Variants in RTN1 observed in about 807,000 individuals in gnomAD.
The protein encoded by RTN1 is reticulon 1.
In RTN1, 25 loss-of-function variants were observed where a neutral mutation model predicts 65.5. The ratio of observed to expected loss-of-function variants is 0.38; its 90% CI spans 0.28 to 0.53. RTN1 has a LOEUF of 0.53. Ranked by LOEUF, RTN1 falls within the 20% of genes least tolerant of loss-of-function variation. The probability of loss-of-function intolerance (pLI) is 0.79; values close to 1 mark genes in which losing one functional copy is unlikely to be tolerated. For synonymous variants in RTN1, 471 were observed against 447.6 expected, an observed-to-expected ratio of 1.05 and a Z score of -0.66; for missense variants, 983 against 1,025.4, an observed-to-expected ratio of 0.96 and a Z score of 0.57.
chr14:59,865,494 T>C (rs1341416452), intron 1 of RTN1, among the ~76,000 whole-genome samples: 1 of 152,204 alleles, frequency 6.6e-6, no homozygotes, highest in Non-Finnish European at 1.5e-5. Context: ...TAAGAATCAC[T>C]GTCCATTTTA....
intron 8 of RTN1, among the ~76,000 whole-genome samples, chr14:59,600,701 C>T (rs1881551960): frequency 6.6e-6 from 1 of 152,160 alleles, no homozygotes; most frequent in Admixed American, 6.5e-5. Context: ...TGTGACTTGC[C>T]TAGTTTCTCT....
rs1200944782 is a variant in RTN1 at position 59,763,023 on chromosome 14, T to C, written c.242-16542A>G. Among the ~76,000 whole-genome samples the C allele has an allele frequency of 2.0e-5, 3 of 152,180 alleles. No individual in the cohort carries two copies. In the East Asian group the frequency reaches 5.8e-4, roughly 29 times the overall value. Reference sequence around the variant, plus strand: ...AACATAATCTCATGTTGGAATGCAATTTATAAAAATAGAAAGATGTGAATA... The same window carrying C: ...AACATAATCTCATGTTGGAATGCAACTTATAAAAATAGAAAGATGTGAATA... On this transcript the variant is annotated intron_variant, in intron 1 of 8. Transcript: ENST00000267484.
intron 8 of RTN1, 41 bp downstream of exon 8, chr14:59,603,024 A>G (rs1566656806): frequency 1.3e-6 from 2 of 1,546,798 alleles, no homozygotes; most frequent in East Asian, 2.2e-5. Context: ...ATGCTGATGT[A>G]AGAGAGTCTC....
At chr14:59,768,308 A>G (rs1474369279) in intron 1 of RTN1, among the ~76,000 whole-genome samples, 3 of 152,198 alleles carry the variant, frequency 2.0e-5, no homozygotes, top group Non-Finnish European at 2.9e-5. Flanking sequence ...TATAAATGAC[A>G]TTATCTGGTT....
rs181331689 is a variant in RTN1 at position 59,694,532 on chromosome 14, G to C, written c.1765+32387C>G. ...CGTTTTCAAGAAACATGAATTGCAG[G>C]CTTCTGGAAATAATTCTGAAAATTT... On this transcript the variant is annotated intron_variant, in intron 3 of 8. Transcript: ENST00000267484. Among the ~76,000 whole-genome samples, 493 of 152,202 alleles carry C rather than the reference G, an allele frequency of 3.2e-3. 1 individual carries two copies. The highest frequency in any genetic ancestry group is 5.4e-3 in the Non-Finnish European group (369 of 68,006).
At chr14:59,659,856 C>T (rs1415563629) in intron 3 of RTN1, among the ~76,000 whole-genome samples, 1 of 152,196 alleles carries the variant, frequency 6.6e-6, no homozygotes, top group Admixed American at 6.5e-5. Flanking sequence ...AACCAGCTAA[C>T]ATCATAATGA....
chr14:59,795,887 G>C (rs1886430340), intron 1 of RTN1, among the ~76,000 whole-genome samples: 2 of 152,054 alleles, frequency 1.3e-5, no homozygotes, highest in Non-Finnish European at 2.9e-5. Flanking sequence ...TTGGGGATGA[G>C]GAAATGGCCA....
intron 1 of RTN1, among the ~76,000 whole-genome samples, chr14:59,750,396 A>AAC: frequency 1.9e-5 from 1 of 53,918 alleles, no homozygotes; most frequent in Non-Finnish European, 3.1e-5. Flanking sequence ...TTATATCTAT[A>AAC]ATATATATAT....
rs1168490056 is a variant in RTN1 at position 59,749,378 on chromosome 14, C to CTATA, written c.242-2901_242-2898dup. Among the ~76,000 whole-genome samples the CTATA allele has an allele frequency of 9.6e-4, 31 of 32,436 alleles. 4 individuals are homozygous for CTATA. Among genetic ancestry groups the CTATA allele is most frequent in the African/African-American group, 4.0e-3 (23 of 5,716 alleles). The allele number at this position is 32,436 out of a possible 152,430, so 21.3% of individuals were successfully genotyped here. On this transcript the variant is annotated intron_variant, in intron 1 of 8. Transcript: ENST00000267484. ...TATATCTATATATATATCTATATAT[C>CTATA]TATATCTATATATATCTATATATAT...
At chr14:59,779,401 A>G (rs1013424393) in intron 1 of RTN1, among the ~76,000 whole-genome samples, 6 of 152,090 alleles carry the variant, frequency 3.9e-5, no homozygotes, top group African/African-American at 1.4e-4. Context: ...ACTGGGATAG[A>G]GAAATGAAAG....
intron 3 of RTN1, among the ~76,000 whole-genome samples, chr14:59,693,103 G>T (rs147656053): frequency 1.8e-4 from 28 of 152,250 alleles, no homozygotes; most frequent in African/African-American, 6.0e-4. Context: ...ACACATGAGA[G>T]CTGGCTTTCT....
At chr14:59,610,623 A>G (rs1881918284) in intron 3 of RTN1, among the ~76,000 whole-genome samples, 1 of 152,232 alleles carries the variant, frequency 6.6e-6, no homozygotes, top group Non-Finnish European at 1.5e-5. Flanking sequence ...ATTCCTGGGC[A>G]TAGGCTCAAC....
chr14:59,741,830 TG>T (rs1364710201), intron 2 of RTN1, among the ~76,000 whole-genome samples: 5 of 152,218 alleles, frequency 3.3e-5, no homozygotes, highest in African/African-American at 1.2e-4. Flanking sequence ...AGCTTCTCTC[TG>T]AACTGTGGGC....
At chr14:59,607,059 C>T (rs1386569342) in intron 4 of RTN1, among the ~76,000 whole-genome samples, 2 of 152,286 alleles carry the variant, frequency 1.3e-5, no homozygotes, top group Admixed American at 6.5e-5. Flanking sequence ...ATAGTAAATA[C>T]ATATGAAAAC....
intron 3 of RTN1, among the ~76,000 whole-genome samples, chr14:59,656,287 A>G (rs534797994): frequency 6.6e-6 from 1 of 152,342 alleles, no homozygotes; most frequent in South Asian, 2.1e-4. Context: ...TTGAAATCAC[A>G]TAACTGCATA....
intron 1 of RTN1, among the ~76,000 whole-genome samples, chr14:59,777,568 A>G (rs886600769): frequency 1.3e-5 from 2 of 151,970 alleles, no homozygotes; most frequent in Non-Finnish European, 2.9e-5. Context: ...GAAGTTTATG[A>G]TGGTTTCTTT....
intron 3 of RTN1, among the ~76,000 whole-genome samples, chr14:59,627,501 A>G (rs1882431924): frequency 6.6e-6 from 1 of 152,266 alleles, no homozygotes; most frequent in Admixed American, 6.5e-5. Flanking sequence ...GTAGGATGGT[A>G]CTGATCTGTA....
At chr14:59,688,126 G>C (rs1343670364) in intron 3 of RTN1, among the ~76,000 whole-genome samples, 1 of 150,756 alleles carries the variant, frequency 6.6e-6, no homozygotes, top group Non-Finnish European at 1.5e-5. Context: ...CTCTCTACTC[G>C]ATGCTCAGGC....
At chr14:59,645,730 G>A (rs949604877) in intron 3 of RTN1, among the ~76,000 whole-genome samples, 9 of 152,112 alleles carry the variant, frequency 5.9e-5, no homozygotes, top group East Asian at 5.8e-4. Flanking sequence ...TGTTCTCCAC[G>A]CAGGTCCTGG....
Sources: gnomAD v4.1 joint callset for allele counts (sites outside exome capture counted in the v4.1 genomes callset) on GRCh38, gnomAD v4.1.1 for gene constraint, MANE v1.5 for transcripts, NCBI Gene and HGNC (gene_info 2026-07-23, HGNC 2026-07-21) for gene names.